ALDH1A2: variants seen among roughly 807,000 people sequenced by gnomAD.
The protein encoded by ALDH1A2 is aldehyde dehydrogenase 1 family member A2.
Under a neutral mutation model 60.3 loss-of-function variants are expected in ALDH1A2, and 27 were observed. The ratio of observed to expected loss-of-function variants is 0.45; its 90% CI spans 0.33 to 0.62. The LOEUF (loss-of-function observed/expected upper bound fraction) is 0.62, where lower values mean the gene tolerates loss of function less well. Among genes scored for constraint, ALDH1A2 ranks in the 20% least tolerant of loss-of-function variants. The probability of loss-of-function intolerance (pLI) is 0.02; values close to 1 mark genes in which losing one functional copy is unlikely to be tolerated. For missense variants in ALDH1A2, 581 were observed against 643.8 expected (o/e 0.90, Z 1.06); for synonymous variants, 289 against 232.4 (o/e 1.24, Z -2.21).
intron 1 of ALDH1A2, among the ~76,000 whole-genome samples, chr15:58,039,977 A>T (rs1301925803): frequency 6.6e-6 from 1 of 151,920 alleles, no homozygotes; most frequent in Non-Finnish European, 1.5e-5. Flanking sequence ...CCTTGAAATA[A>T]GTGTTCAGTA....
At chr15:57,974,566 T>C (rs1226490627) in intron 7 of ALDH1A2, among the ~76,000 whole-genome samples, 3 of 151,650 alleles carry the variant, frequency 2.0e-5, no homozygotes, top group African/African-American at 7.3e-5. Context: ...GCAGGAACTA[T>C]TGTCATTATC....
At chr15:58,026,412 A>C (rs1460971551) in intron 1 of ALDH1A2, among the ~76,000 whole-genome samples, 1 of 152,142 alleles carries the variant, frequency 6.6e-6, no homozygotes, top group Non-Finnish European at 1.5e-5. Flanking sequence ...CAAGATGGCC[A>C]AATAGTAAGA....
intron 1 of ALDH1A2, among the ~76,000 whole-genome samples, chr15:58,050,938 G>A (rs1484842734): frequency 6.6e-6 from 1 of 152,146 alleles, no homozygotes; most frequent in Non-Finnish European, 1.5e-5. Context: ...ATATCCTAAG[G>A]TTGAAGAAGG....
intron 3 of ALDH1A2, among the ~76,000 whole-genome samples, chr15:58,011,669 T>C (rs1376299984): frequency 6.6e-6 from 1 of 152,180 alleles, no homozygotes; most frequent in African/African-American, 2.4e-5. Flanking sequence ...CTCCAATCAA[T>C]GAGATGAAAA....
chr15:58,022,848 T>G (rs1175366229), intron 1 of ALDH1A2, among the ~76,000 whole-genome samples: 1 of 151,644 alleles, frequency 6.6e-6, no homozygotes, highest in Admixed American at 6.6e-5. Context: ...TATATACACC[T>G]TCAGGAAAAA....
chr15:58,005,119 T>A (rs1445703094), intron 4 of ALDH1A2, among the ~76,000 whole-genome samples: 1 of 151,802 alleles, frequency 6.6e-6, no homozygotes, highest in Non-Finnish European at 1.5e-5. Flanking sequence ...TACTTTTAGA[T>A]CCACTAACTC....
chr15:57,978,708 A>G (rs1476481855), intron 7 of ALDH1A2, among the ~76,000 whole-genome samples: 2 of 152,166 alleles, frequency 1.3e-5, no homozygotes, highest in Non-Finnish European at 2.9e-5. Context: ...ATAGCTGGTC[A>G]GGCCCAGAAG....
At chr15:58,047,793 G>A (rs1170616204) in intron 1 of ALDH1A2, among the ~76,000 whole-genome samples, 14 of 151,686 alleles carry the variant, frequency 9.2e-5, no homozygotes, top group African/African-American at 2.4e-4. Flanking sequence ...TTATTCATTC[G>A]CTTTGCTTCA....
chr15:58,006,150 T>C (rs1895449068), intron 4 of ALDH1A2, among the ~76,000 whole-genome samples: 1 of 151,842 alleles, frequency 6.6e-6, no homozygotes, highest in Non-Finnish European at 1.5e-5. Context: ...CTGTACCCAA[T>C]ATGTAGTCTT....
intron 1 of ALDH1A2, among the ~76,000 whole-genome samples, chr15:58,037,708 T>G (rs1483951551): frequency 6.6e-6 from 1 of 151,686 alleles, no homozygotes; most frequent in Non-Finnish European, 1.5e-5. Flanking sequence ...CAGAAGAAAT[T>G]GTACTGTCTG....
intron 7 of ALDH1A2, among the ~76,000 whole-genome samples, chr15:57,968,277 T>C: frequency 6.6e-6 from 1 of 152,234 alleles, no homozygotes; most frequent in East Asian, 1.9e-4. Context: ...ACAAGCATTA[T>C]GTCATTTAAG....
intron 4 of ALDH1A2, among the ~76,000 whole-genome samples, chr15:58,004,545 T>C (rs538520741): frequency 6.6e-6 from 1 of 151,708 alleles, no homozygotes; most frequent in South Asian, 2.1e-4. Flanking sequence ...ACCTACCGCT[T>C]AGCTCTCACT....
At chr15:57,964,111 G>A (rs1379401670) in intron 8 of ALDH1A2, 42 bp from the exon 9 acceptor site, 3 of 1,611,240 alleles carry the variant, frequency 1.9e-6, no homozygotes, top group Non-Finnish European at 2.5e-6. Context: ...TTTGCCTGGG[G>A]AGGGGCCTGT....
chr15:57,981,745 A>G (rs1322287700), intron 7 of ALDH1A2, among the ~76,000 whole-genome samples: 1 of 152,194 alleles, frequency 6.6e-6, no homozygotes, highest in Non-Finnish European at 1.5e-5. Flanking sequence ...CTTCATTTTA[A>G]AAATAAATAG....
At chr15:57,968,132 C>G (rs1017755986) in intron 7 of ALDH1A2, among the ~76,000 whole-genome samples, 2 of 152,192 alleles carry the variant, frequency 1.3e-5, no homozygotes, top group Non-Finnish European at 2.9e-5. Flanking sequence ...TCCAAATTAA[C>G]TGATGTGGAC....
chr15:58,018,030 G>A (rs1459304707), intron 1 of ALDH1A2, among the ~76,000 whole-genome samples: 1 of 152,100 alleles, frequency 6.6e-6, no homozygotes, highest in African/African-American at 2.4e-5. Context: ...CAGCTCTCTA[G>A]GCAATGTCGA....
intron 1 of ALDH1A2, among the ~76,000 whole-genome samples, chr15:58,020,898 C>G (rs1895909814): frequency 6.6e-6 from 1 of 152,124 alleles, no homozygotes; most frequent in Non-Finnish European, 1.5e-5. Flanking sequence ...CTCTAAATTT[C>G]TACCTTTATA....
rs1269081546 is a variant in ALDH1A2, at chr15:57,995,093, A to G, written c.540T>C (p.Cys180=). 8 of 1,612,850 alleles carry G rather than the reference A, an allele frequency of 5.0e-6. No homozygotes were observed. In the East Asian group the frequency reaches 8.9e-5, roughly 18 times the overall value. Reference sequence around the variant, plus strand: ...ATACACTCACTGGGATGATCTGTCCACACACTCCAATGGGTTCATGTCTTG... The same window carrying G: ...ATACACTCACTGGGATGATCTGTCCGCACACTCCAATGGGTTCATGTCTTG... ...TFTRHEPIGV[C]GQIIPWNFPL... is the part of the protein sequence containing the mutation. Residue 180 remains cysteine (C), a synonymous_variant, in exon 5 of 13, where the codon TGT becomes TGC. Transcript: ENST00000249750.
chr15:58,049,548 A>G (rs771201172), intron 1 of ALDH1A2, among the ~76,000 whole-genome samples: 1 of 152,052 alleles, frequency 6.6e-6, no homozygotes, highest in Non-Finnish European at 1.5e-5. Flanking sequence ...GTTCTGTCTG[A>G]GTATTCGTTC....
Sources: gnomAD v4.1 joint callset for allele counts (sites outside exome capture counted in the v4.1 genomes callset) on GRCh38, gnomAD v4.1.1 for gene constraint, MANE v1.5 for transcripts, NCBI Gene and HGNC (gene_info 2026-07-23, HGNC 2026-07-21) for gene names.